Variants in CRYBB1 observed in about 807,000 individuals in gnomAD.
CRYBB1 encodes beta-crystallin B1.
A neutral mutation model predicts 29.5 loss-of-function variants in CRYBB1; 16 were observed. The observed-to-expected ratio is 0.54, with a 90% CI of 0.37 to 0.82. The LOEUF (loss-of-function observed/expected upper bound fraction) is 0.82, where lower values mean the gene tolerates loss of function less well. CRYBB1 is among the 40% of genes least tolerant of loss of function. The pLI, the probability that CRYBB1 is intolerant of heterozygous loss-of-function variation, is 0.00. For synonymous variants in CRYBB1, 127 were observed against 136.7 expected, an observed-to-expected ratio of 0.93 and a Z score of 0.49; for missense variants, 300 against 350.5, an observed-to-expected ratio of 0.86 and a Z score of 1.15.
At chr22:26,613,603 T>G (rs560961721) in intron 2 of CRYBB1, among the ~76,000 whole-genome samples, 1 of 152,382 alleles carries the variant, frequency 6.6e-6, no homozygotes, top group South Asian at 2.1e-4. Context: ...TGTGCTTTCC[T>G]ATGCCTGTCT....
At chr22:26,610,254 A>C (rs753728761) in intron 3 of CRYBB1, among the ~76,000 whole-genome samples, 1 of 152,204 alleles carries the variant, frequency 6.6e-6, no homozygotes, top group Non-Finnish European at 1.5e-5. Context: ...CTAAGGTCAC[A>C]TGATGGTGTT....
chr22:26,600,415 T>C (rs1451726395), intron 5 of CRYBB1, among the ~76,000 whole-genome samples: 1 of 151,448 alleles, frequency 6.6e-6, no homozygotes, highest in African/African-American at 2.4e-5. Flanking sequence ...AAAAAAAAAA[T>C]TGGTTTTCTT....
intron 3 of CRYBB1, among the ~76,000 whole-genome samples, chr22:26,608,775 T>G (rs1929064531): frequency 6.6e-6 from 1 of 152,184 alleles, no homozygotes; most frequent in Non-Finnish European, 1.5e-5. Context: ...AATACTGGCC[T>G]GGTATTCGGG....
intron 4 of CRYBB1, among the ~76,000 whole-genome samples, chr22:26,606,652 C>T (rs1285854310): frequency 1.3e-5 from 2 of 152,230 alleles, no homozygotes; most frequent in Non-Finnish European, 2.9e-5. Context: ...GTCTTACATT[C>T]TGCGAAAAGT....
At chr22:26,610,228 G>T (rs2145966770) in intron 3 of CRYBB1, among the ~76,000 whole-genome samples, 1 of 152,250 alleles carries the variant, frequency 6.6e-6, no homozygotes, top group Non-Finnish European at 1.5e-5. Flanking sequence ...AGGCTAAGAG[G>T]GGTTAAGTCC....
At position 26,603,926 on chromosome 22, in the gene CRYBB1, A is replaced by AAAAC. The variant is rs144752945; in HGVS notation, c.433-1909_433-1906dup. Among the ~76,000 whole-genome samples, 7 of 152,288 alleles carry AAAAC rather than the reference A, an allele frequency of 4.6e-5. No individual in the cohort carries two copies. In the South Asian group the frequency reaches 1.2e-3, roughly 27 times the overall value. ...GTGACAGAGCAAGACTCTGTCTCAA[A>AAAAC]AAACAAACAAACAAACAACCAGGCC... On this transcript the variant is annotated intron_variant, in intron 4 of 5. Coordinates refer to ENST00000647684, the MANE Select transcript of CRYBB1 (RefSeq NM_001887.4).
chr22:26,602,735 G>A (rs1273999310), intron 4 of CRYBB1, among the ~76,000 whole-genome samples: 1 of 152,214 alleles, frequency 6.6e-6, no homozygotes, highest in Non-Finnish European at 1.5e-5. Flanking sequence ...CAGTGTCCCT[G>A]TGCCATCAGG....
At chr22:26,607,475 T>TGAGGCCAGGAGTTC in intron 4 of CRYBB1, among the ~76,000 whole-genome samples, 1 of 150,650 alleles carries the variant, frequency 6.6e-6, no homozygotes, top group East Asian at 2.0e-4. Flanking sequence ...GAGGATCACT[T>TGAGGCCAGGAGTTC]GAGGCCAGGA....
chr22:26,612,850 A>G (rs1929222105), intron 2 of CRYBB1, among the ~76,000 whole-genome samples: 1 of 152,118 alleles, frequency 6.6e-6, no homozygotes, highest in African/African-American at 2.4e-5. Context: ...CTCAGGTGCC[A>G]CCTTCTCCAG....
chr22:26,599,444 G>A lies in CRYBB1; in HGVS notation c.*46C>T, dbSNP rs115865042. ...CCTGGGAAAAATGGGGGAAATAATT[G>A]AACATGAAGAAGGGTTGGGGCAAGG... On this transcript the variant is annotated 3_prime_UTR_variant, in exon 6 of 6. Transcript: ENST00000647684. 1,316 of 1,554,326 alleles carry A rather than the reference G, an allele frequency of 8.5e-4. 6 individuals carry two copies. In the African/African-American group the frequency reaches 0.016, roughly 19 times the overall value.
At chr22:26,615,541 T>C (rs1929318479) in intron 2 of CRYBB1, among the ~76,000 whole-genome samples, 1 of 150,638 alleles carries the variant, frequency 6.6e-6, no homozygotes. Context: ...TTTGATGGAG[T>C]CTCCCTCTGT....
intron 2 of CRYBB1, among the ~76,000 whole-genome samples, chr22:26,613,443 A>G (rs529592367): frequency 2.8e-4 from 43 of 152,258 alleles, no homozygotes; most frequent in Non-Finnish European, 5.3e-4. Flanking sequence ...AAGCCATGGC[A>G]GAAGAACGTG....
At chr22:26,614,676 T>G (rs1014455168) in intron 2 of CRYBB1, among the ~76,000 whole-genome samples, 2 of 152,122 alleles carry the variant, frequency 1.3e-5, no homozygotes, top group Non-Finnish European at 2.9e-5. Flanking sequence ...AATAATCACA[T>G]TGCATATTTC....
At chr22:26,607,706 A>AGTGAGT (rs1929025267) in intron 4 of CRYBB1, among the ~76,000 whole-genome samples, 183 bp downstream of exon 4, 1 of 152,142 alleles carries the variant, frequency 6.6e-6, no homozygotes, top group Non-Finnish European at 1.5e-5. Flanking sequence ...CTGGGTATGT[A>AGTGAGT]GTGAGTGTGT....
chr22:26,602,136 G>A (rs1029720862), intron 4 of CRYBB1, 115 bp from the exon 5 acceptor site: 74 of 1,359,634 alleles, frequency 5.4e-5, no homozygotes, highest in Non-Finnish European at 7.5e-5. Context: ...AGGCTGCTGG[G>A]GGACTCTCCA....
At chr22:26,605,756 T>C (rs904963893) in intron 4 of CRYBB1, among the ~76,000 whole-genome samples, 28 of 151,696 alleles carry the variant, frequency 1.8e-4, no homozygotes, top group Admixed American at 2.0e-4. Context: ...GGTTTATTTT[T>C]TTTTTTTATT....
Position 26,599,494 on chromosome 22 carries a change from T to C in CRYBB1, c.755A>G (p.Lys252Arg), listed in dbSNP as rs765092793. The change falls in exon 6 of 6, where the codon AAG becomes AGG. Residue 252 changes from lysine to arginine, a missense_variant. Transcript: ENST00000647684. ...GTAGCAGAGTGAGGTGTGGACTCACTTGGGGGGCTCTGTGGCCAGGACAGG... is the reference window on the plus strand; with the variant it reads ...GTAGCAGAGTGAGGTGTGGACTCACCTGGGGGGCTCTGTGGCCAGGACAGG... ...SFPVLATEPP[K>R] is the part of the protein sequence containing the mutation. The C allele has an allele frequency of 1.2e-6, 2 of 1,612,194 alleles. No homozygotes were observed. The highest frequency in any genetic ancestry group is 1.7e-6 in the Non-Finnish European group (2 of 1,179,644).
At position 26,615,522 on chromosome 22, in the gene CRYBB1, C is replaced by CTT. The variant is rs367900964; in HGVS notation, c.180+616_180+617dup. 8.2e-5 allele frequency among the ~76,000 whole-genome samples: 12 copies of CTT among 147,064 alleles called. No homozygotes were observed. In the East Asian group the frequency reaches 1.8e-3, roughly 22 times the overall value. ...GTCCCCTTTTTCTTTCTATTCTTTT[C>CTT]TTTTTTTTTTTGATGGAGTCTCCCT... On this transcript the variant is annotated intron_variant, in intron 2 of 5. Transcript: ENST00000647684.
intron 1 of CRYBB1, among the ~76,000 whole-genome samples, chr22:26,616,861 T>A (rs1380616090): frequency 1.3e-5 from 2 of 152,226 alleles, no homozygotes; most frequent in Admixed American, 1.3e-4. Context: ...AAACAGCTAC[T>A]AAGTGGTAGG....
Sources: allele counts gnomAD v4.1 joint callset (sites outside exome capture counted in the v4.1 genomes callset), GRCh38; gene constraint gnomAD v4.1.1; transcripts MANE v1.5; gene names NCBI Gene and HGNC (gene_info 2026-07-23, HGNC 2026-07-21).